The following TEX9 variants were observed in gnomAD, a reference collection of about 807,000 sequenced individuals.
TEX9 encodes testis-expressed protein 9.
In TEX9, 74 loss-of-function variants were observed where a neutral mutation model predicts 59.6. That is an observed-to-expected ratio of 1.24 (90% CI 1.03 to 1.51). The LOEUF (loss-of-function observed/expected upper bound fraction) is 1.51, where lower values mean the gene tolerates loss of function less well. Ranked by LOEUF, TEX9 falls within the 40% of genes most tolerant of loss-of-function variation. The pLI is 0.00. For synonymous variants in TEX9, 186 were observed against 152.2 expected (o/e 1.22, Z -1.64); for missense variants, 522 against 447.8 (o/e 1.17, Z -1.49).
intron 2 of TEX9, chr15:56,365,965 C>G (rs1802143010): frequency 9.2e-7 from 1 of 1,088,858 alleles, no homozygotes; most frequent in South Asian, 2.2e-5. Flanking sequence ...ATTTGGGTAG[C>G]AGGAATTGCC....
chr15:56,307,839 T>C (rs1370584758), intron 1 of TEX9, among the ~76,000 whole-genome samples: 3 of 152,222 alleles, frequency 2.0e-5, no homozygotes, highest in Non-Finnish European at 4.4e-5. Flanking sequence ...GAATTATATA[T>C]AGCTTTTGTG....
chr15:56,278,834 C>T (rs1016484940), intron 1 of TEX9, among the ~76,000 whole-genome samples: 1 of 151,542 alleles, frequency 6.6e-6, no homozygotes, highest in African/African-American at 2.4e-5. Flanking sequence ...CTCAGTCCGT[C>T]CCTCTATCTG....
exon 7 of TEX9, chr15:56,391,267 C>T (rs777465113): frequency 1.3e-6 from 2 of 1,573,060 alleles, no homozygotes; most frequent in Non-Finnish European, 8.6e-7. Flanking sequence ...ACTCTGATGT[C>T]CAAACTGCCG....
intron 1 of TEX9, among the ~76,000 whole-genome samples, chr15:56,322,424 A>G (rs2045923200): frequency 6.6e-6 from 1 of 152,204 alleles, no homozygotes; most frequent in Non-Finnish European, 1.5e-5. Flanking sequence ...GTGGTCATGC[A>G]GAAATGGTCT....
chr15:56,437,061 C>T (rs1207942116), intron 12 of TEX9, among the ~76,000 whole-genome samples: 1 of 152,262 alleles, frequency 6.6e-6, no homozygotes, highest in South Asian at 2.1e-4. Context: ...TGAAACTATT[C>T]CAATCAATAG....
chr15:56,321,035 A>G lies in TEX9; in HGVS notation c.-106-52406A>G, dbSNP rs189610965. ...CCAGAGTTGTTAACTTCTGGTTTTT[A>G]TGCTACAGCTGCAGGTACAGGAGCT... is the stretch of plus-strand genomic sequence containing the variant. On this transcript the variant is annotated intron_variant, in intron 1 of 5. Coordinates refer to the TEX9 transcript ENST00000560827. Among the ~76,000 whole-genome samples the G allele has an allele frequency of 6.9e-4, 105 of 152,278 alleles. 2 individuals carry two copies. The highest frequency in any genetic ancestry group is 1.2e-3 in the Non-Finnish European group (84 of 67,996).
chr15:56,279,951 T>A (rs2044775678), intron 1 of TEX9, among the ~76,000 whole-genome samples: 1 of 152,236 alleles, frequency 6.6e-6, no homozygotes, highest in African/African-American at 2.4e-5. Context: ...ATGGGTATGA[T>A]GTTCTTGCAA....
At chr15:56,381,234 G>C (rs1462966671) in intron 3 of TEX9, among the ~76,000 whole-genome samples, 3 of 152,060 alleles carry the variant, frequency 2.0e-5, no homozygotes, top group African/African-American at 4.8e-5. Flanking sequence ...TTTAACTCCA[G>C]AATTTCTCGA....
At chr15:56,326,137 T>C (rs2046014596) in intron 1 of TEX9, among the ~76,000 whole-genome samples, 3 of 152,222 alleles carry the variant, frequency 2.0e-5, no homozygotes, top group Non-Finnish European at 4.4e-5. Flanking sequence ...TGAAGTCCTC[T>C]TTTCCCACAA....
Position 56,365,841 on chromosome 15 carries a change from G to A in TEX9, c.119+171G>A, listed in dbSNP as rs1430247170. The A allele has an allele frequency of 7.0e-6, 10 of 1,430,622 alleles. No homozygotes were observed. The African/African-American group carries it at 1.0e-4, about 14-fold the overall frequency. 88.6% of individuals were successfully genotyped at this position (1,430,622 alleles called of 1,614,324 possible). ...TATCCTTTCTTTGTCTTTGATCTGA[G>A]TAGTTCGCCTGCGTATTAGAAGATA... On this transcript the variant is annotated intron_variant, in intron 2 of 12. Coordinates refer to ENST00000352903, the Ensembl canonical transcript of TEX9.
At chr15:56,294,309 TC>T (rs1284535232) in intron 1 of TEX9, among the ~76,000 whole-genome samples, 1 of 152,234 alleles carries the variant, frequency 6.6e-6, no homozygotes, top group African/African-American at 2.4e-5. Flanking sequence ...TCTTGTCTTT[TC>T]CTTCCTTTCC....
At position 56,353,457 on chromosome 15, in the gene TEX9, T is replaced by C. The variant is rs139009459; in HGVS notation, c.-106-19984T>C. On this transcript the variant is annotated intron_variant, in intron 1 of 5. Transcript: ENST00000560827. The stretch of plus-strand genomic sequence containing the variant: ...AAAATATAAAATCATCTTAGTACTC[T>C]GAACTAACAGTGTACACTTTTCAGA... Among the ~76,000 whole-genome samples, 417 of 152,350 alleles carry C rather than the reference T, an allele frequency of 2.7e-3. 3 individuals are homozygous for C. The highest frequency in any genetic ancestry group is 9.4e-3 in the African/African-American group (393 of 41,590).
chr15:56,411,466 G>A (rs1443650662), intron 9 of TEX9, among the ~76,000 whole-genome samples: 1 of 152,176 alleles, frequency 6.6e-6, no homozygotes, highest in Admixed American at 6.5e-5. Context: ...ATATGTCCTG[G>A]GAGAGCTAAT....
chr15:56,431,390 G>A, intron 12 of TEX9: 2 of 1,612,208 alleles, frequency 1.2e-6, no homozygotes, highest in Non-Finnish European at 1.7e-6. Flanking sequence ...AGATAGCCTA[G>A]TAAGTTTGTA....
chr15:56,300,059 C>T (rs566766915), intron 1 of TEX9, among the ~76,000 whole-genome samples: 22 of 152,184 alleles, frequency 1.4e-4, no homozygotes, highest in African/African-American at 3.6e-4. Context: ...CAGCACCAAG[C>T]GGGTTCCCGG....
chr15:56,456,246 A>G, the TEX9 span: 62 of 655,236 alleles, frequency 9.5e-5, no homozygotes, highest in Admixed American at 5.2e-4. Flanking sequence ...ATAAATATTT[A>G]TAGAACTTAA....
intron 1 of TEX9, among the ~76,000 whole-genome samples, chr15:56,250,429 A>C (rs1051618760): frequency 1.3e-5 from 2 of 152,126 alleles, no homozygotes; most frequent in Non-Finnish European, 2.9e-5. Flanking sequence ...CAGTGTGAGT[A>C]GAAGCAGGAA....
intron 1 of TEX9, among the ~76,000 whole-genome samples, chr15:56,300,695 GAGAGAGAGA>G (rs1219330942): frequency 5.1e-5 from 3 of 59,216 alleles, no homozygotes; most frequent in Non-Finnish European, 1.1e-4. Flanking sequence ...CAGAGAGAGA[GAGAGAGAGA>G]GAGGGAGAGA....
intron 1 of TEX9, among the ~76,000 whole-genome samples, chr15:56,281,505 A>G (rs140523946): frequency 6.7e-4 from 102 of 152,314 alleles, no homozygotes; most frequent in Non-Finnish European, 8.2e-4. Flanking sequence ...CTAATTTTTG[A>G]TGATCTGAGG....
Sources: gnomAD v4.1 joint callset for allele counts (sites outside exome capture counted in the v4.1 genomes callset) on GRCh38, gnomAD v4.1.1 for gene constraint, MANE v1.5 for transcripts, NCBI Gene and HGNC (gene_info 2026-07-23, HGNC 2026-07-21) for gene names.